The following ZNF285 variants were observed in gnomAD, a reference collection of about 807,000 sequenced individuals.
The protein encoded by ZNF285 is zinc finger protein 285A.
In ZNF285, 4 loss-of-function variants were observed where a neutral mutation model predicts 6.2. The observed-to-expected ratio is 0.65, with a 90% confidence interval of 0.32 to 1.49. The LOEUF is 1.49. Among genes scored for constraint, ZNF285 ranks in the 40% most tolerant of loss-of-function variants. The probability of loss-of-function intolerance (pLI) is 0.07; values close to 1 mark genes in which losing one functional copy is unlikely to be tolerated. For synonymous variants in ZNF285, 240 were observed against 245.8 expected (o/e 0.98, Z 0.22); for missense variants, 695 against 708.8 (o/e 0.98, Z 0.22).
intron 1 of ZNF285, among the ~76,000 whole-genome samples, chr19:44,398,739 A>G (rs1971326341): frequency 6.6e-6 from 1 of 152,076 alleles, no homozygotes; most frequent in Admixed American, 6.5e-5. Flanking sequence ...CATCTGATAA[A>G]CCCTGTAAAC....
chr19:44,399,767 C>G (rs183759751), intron 1 of ZNF285, among the ~76,000 whole-genome samples: 1 of 151,848 alleles, frequency 6.6e-6, no homozygotes, highest in Non-Finnish European at 1.5e-5. Flanking sequence ...AATAAACAGA[C>G]GGCTTACAAT....
In ZNF285 at chr19:44,392,592, C is replaced by A. The variant is rs75663678; in HGVS notation, c.16-126G>T. ...ACAAAATAAACTTATTTCTTCCTGTCCTGGAGGTTGGAAAGTCTAAGATCA... is the reference window on the plus strand; with the variant it reads ...ACAAAATAAACTTATTTCTTCCTGTACTGGAGGTTGGAAAGTCTAAGATCA... On this transcript the variant is annotated intron_variant, in intron 2 of 3. Transcript: ENST00000614994. 1.9e-6 allele frequency: 3 copies of A among 1,569,782 alleles called. No homozygotes were observed. The Admixed American group carries it at 5.4e-5, about 28-fold the overall frequency.
At chr19:44,395,802 A>G (rs558894079) in intron 2 of ZNF285, among the ~76,000 whole-genome samples, 1 of 152,192 alleles carries the variant, frequency 6.6e-6, no homozygotes, top group East Asian at 1.9e-4. Flanking sequence ...CCAGTTCTAA[A>G]CCTGGGCCTT....
chr19:44,401,209 G>C lies in ZNF285; in HGVS notation c.-44+359C>G, dbSNP rs577046443. On this transcript the variant is annotated intron_variant, in intron 1 of 3. Transcript: ENST00000614994. ...TCCAGCCATTACTCCAAAACCCTGA[G>C]CCAGCGCCCCTCTGCCCTCATCCAG... Among the ~76,000 whole-genome samples the C allele has an allele frequency of 8.5e-5, 13 of 152,240 alleles. 1 individual carries two copies. The highest frequency in any genetic ancestry group is 2.6e-4 in the African/African-American group (11 of 41,518).
intron 1 of ZNF285, among the ~76,000 whole-genome samples, chr19:44,398,377 C>A (rs1296254771): frequency 6.6e-6 from 1 of 152,120 alleles, no homozygotes; most frequent in Non-Finnish European, 1.5e-5. Flanking sequence ...ATGGGGAAAG[C>A]CAGCAAGAGA....
In ZNF285 at chr19:44,387,075, A is replaced by C. The variant is rs768815058; in HGVS notation, c.1170T>G (p.His390Gln). ...GFDQSSNLLV[H>Q]QRVHTGEKPY... ...GCTTCTCTCCAGTGTGGACTCTCTG[A>C]TGGACAAGAAGGTTGGAGCTCTGAT... is the stretch of plus-strand genomic sequence containing the variant. The change falls in exon 4 of 4, where the codon CAT (histidine) becomes CAG (glutamine). Residue 390 changes from histidine (H) to glutamine (Q), a missense_variant. Coordinates refer to ENST00000614994, the MANE Select transcript of ZNF285 (RefSeq NM_152354.6). 3 of 1,614,148 alleles carry C rather than the reference A, an allele frequency of 1.9e-6. No individual in the cohort carries two copies. The Admixed American group carries it at 5.0e-5, about 27-fold the overall frequency.
intron 1 of ZNF285, among the ~76,000 whole-genome samples, chr19:44,400,695 C>T (rs1971360607): frequency 6.6e-6 from 1 of 152,070 alleles, no homozygotes; most frequent in South Asian, 2.1e-4. Context: ...CTGCCTCAGC[C>T]TCCCGAGTAG....
rs10409019 is a variant in ZNF285 at position 44,386,038 on chromosome 19, A to C, written c.*434T>G. 0.012 allele frequency: 2,074 copies of C among 168,806 alleles called. 52 individuals carry two copies. Among genetic ancestry groups the C allele is most frequent in the African/African-American group, 0.048 (1,991 of 41,812 alleles). The allele number at this position is 168,806 out of a possible 1,614,324, so 10.5% of individuals were successfully genotyped here. A position where few individuals can be genotyped will look rare whatever the true frequency, so the allele number is the denominator to read the frequency against. On this transcript the variant is annotated 3_prime_UTR_variant, in exon 4 of 4. Coordinates refer to ENST00000614994, the MANE Select transcript of ZNF285 (RefSeq NM_152354.6). The stretch of plus-strand genomic sequence containing the variant: ...GGTACTAACGTTCTTTCATAGTAAG[A>C]GCATGGGTTTCATTTTTGAGCACAC...
chr19:44,397,903 G>A (rs1450217078), intron 1 of ZNF285, among the ~76,000 whole-genome samples: 2 of 148,020 alleles, frequency 1.4e-5, no homozygotes, highest in African/African-American at 2.5e-5. Flanking sequence ...AAAAAACAGA[G>A]GAAAAAAAAA....
At chr19:44,401,259 T>C (rs1971371704) in intron 1 of ZNF285, among the ~76,000 whole-genome samples, 2 of 152,088 alleles carry the variant, frequency 1.3e-5, no homozygotes, top group Non-Finnish European at 2.9e-5. Context: ...AGACTGACCC[T>C]AAGCTTCGAC....
Position 44,387,915 on chromosome 19 carries a change from C to T in ZNF285, c.330G>A (p.Glu110=), listed in dbSNP as rs762916428. The change falls in exon 4 of 4, where the codon GAG becomes GAA. Residue 110 remains glutamate, a synonymous_variant. Transcript: ENST00000614994. The part of the protein sequence containing the change: ...PHLEDVSLSE[E]WAGISLQISE... Reference sequence around the variant, plus strand: ...AAATCTGAAGAGAAATGCCTGCCCACTCTTCACTGAGGGAAACATCTTCTA... The same window carrying T: ...AAATCTGAAGAGAAATGCCTGCCCATTCTTCACTGAGGGAAACATCTTCTA... 4.6e-5 allele frequency: 75 copies of T among 1,613,880 alleles called. 2 individuals are homozygous for T. The South Asian group carries it at 8.2e-4, about 18-fold the overall frequency.
rs143574007 is a variant in ZNF285 at position 44,386,725 on chromosome 19, A to G, written c.1520T>C (p.Ile507Thr). The change falls in exon 4 of 4, where the codon ATC becomes ACC. Residue 507 changes from isoleucine (I) to threonine (T), a missense_variant. By Grantham distance (89) the Ile-to-Thr change is moderately conservative. Transcript: ENST00000614994. ...ATCACATTTATATGGTTTCTCTCTG[A>G]TGTGATCTCTTTGATGTAAGTGAAA... ...SYFHLHQRDH[I>T]REKPYKCDEC... is the part of the protein sequence containing the mutation. 1,496 of 1,614,042 alleles carry G rather than the reference A, an allele frequency of 9.3e-4. 1 individual carries two copies. The highest frequency in any genetic ancestry group is 1.1e-3 in the Non-Finnish European group (1,353 of 1,179,974).
In ZNF285 at chr19:44,387,904, A is replaced by C. The variant is rs1229897917; in HGVS notation, c.341T>G (p.Ile114Ser). ...DVSLSEEWAG[I>S]SLQISENENY... ...TTCATTTTCAGAAATCTGAAGAGAA[A>C]TGCCTGCCCACTCTTCACTGAGGGA... is the stretch of plus-strand genomic sequence containing the variant. The change falls in exon 4 of 4, where the codon ATT (isoleucine) becomes AGT (serine). Residue 114 changes from isoleucine to serine, a missense_variant. Ile to Ser is a moderately radical substitution (Grantham distance 142, BLOSUM62 -2). Coordinates refer to ENST00000614994, the MANE Select transcript of ZNF285 (RefSeq NM_152354.6). 6.2e-7 allele frequency: 1 copy of C among 1,614,006 alleles called. No individual in the cohort carries two copies. Among genetic ancestry groups the C allele is most frequent in the Non-Finnish European group, 8.5e-7 (1 of 1,179,912 alleles).
intron 2 of ZNF285, among the ~76,000 whole-genome samples, chr19:44,393,896 C>T (rs1457743671): frequency 6.6e-6 from 1 of 152,072 alleles, no homozygotes; most frequent in African/African-American, 2.4e-5. Context: ...TTGACCCAGC[C>T]ATCCCATTAC....
In ZNF285 at chr19:44,386,967, T is replaced by C. The variant is rs901257505; in HGVS notation, c.1278A>G (p.Lys426=). 1.1e-5 allele frequency: 17 copies of C among 1,614,088 alleles called. 1 individual carries two copies. The East Asian group carries it at 1.1e-4, about 11-fold the overall frequency. ...QVHWRFHTGE[K]PYRCGECGKG... ...TTCCACACTCACCACACCTATATGG[T>C]TTCTCCCCTGTGTGAAACCTCCAGT... The change falls in exon 4 of 4, where the codon AAA becomes AAG. Residue 426 remains lysine (K), a synonymous_variant. Transcript: ENST00000614994.
intron 3 of ZNF285, among the ~76,000 whole-genome samples, chr19:44,390,075 C>T (rs766086452): frequency 3.9e-5 from 6 of 152,142 alleles, no homozygotes; most frequent in African/African-American, 1.2e-4. Flanking sequence ...TCCCACGTGT[C>T]GTGTCCCATA....
At chr19:44,398,935 G>A (rs1971329548) in intron 1 of ZNF285, among the ~76,000 whole-genome samples, 1 of 152,050 alleles carries the variant, frequency 6.6e-6, no homozygotes. Flanking sequence ...CTTTCAGTCT[G>A]TCACAGACTG....
rs1170109038 is a variant in ZNF285, at chr19:44,387,272, A to C, written c.973T>G (p.Phe325Val). 1 of 1,614,056 alleles carries C rather than the reference A, an allele frequency of 6.2e-7. No individual in the cohort carries two copies. Among genetic ancestry groups the C allele is most frequent in the East Asian group, 2.2e-5 (1 of 44,888 alleles). ...PYKCKECGKGFRRSSSLHNHH... is the reference protein window; with the variant it reads ...PYKCKECGKGVRRSSSLHNHH... ...TTGTGAAGGGAAGAGCTGCGCCTGAAGCCCTTGCCACATTCTTTACATTTG... is the reference window on the plus strand; with the variant it reads ...TTGTGAAGGGAAGAGCTGCGCCTGACGCCCTTGCCACATTCTTTACATTTG... The change falls in exon 4 of 4, where the codon TTC becomes GTC. Residue 325 changes from phenylalanine (F) to valine (V), a missense_variant. Transcript: ENST00000614994.
At chr19:44,390,764 G>C (rs974732026) in intron 3 of ZNF285, among the ~76,000 whole-genome samples, 3 of 152,006 alleles carry the variant, frequency 2.0e-5, no homozygotes, top group African/African-American at 7.3e-5. Flanking sequence ...TGTGTCATGA[G>C]AGGAACCTGG....
Sources: allele counts gnomAD v4.1 joint callset (sites outside exome capture counted in the v4.1 genomes callset), GRCh38; gene constraint gnomAD v4.1.1; transcripts MANE v1.5; gene names NCBI Gene and HGNC (gene_info 2026-07-23, HGNC 2026-07-21).